SLC39A14: variants seen among roughly 807,000 people sequenced by gnomAD.
SLC39A14 encodes the protein metal cation symporter ZIP14.
In SLC39A14, 19 loss-of-function variants were observed where a neutral mutation model predicts 45.5. The ratio of observed to expected loss-of-function variants is 0.42; its 90% CI spans 0.29 to 0.61. The LOEUF is 0.61. Among genes scored for constraint, SLC39A14 ranks in the 20% least tolerant of loss-of-function variants. SLC39A14 has a pLI of 0.22. For synonymous variants in SLC39A14, 264 were observed against 251.3 expected, an observed-to-expected ratio of 1.05 and a Z score of -0.48; for missense variants, 447 against 616.5, an observed-to-expected ratio of 0.73 and a Z score of 2.91.
intron 1 of SLC39A14, among the ~76,000 whole-genome samples, chr8:22,374,059 A>C (rs1340853699): frequency 1.3e-5 from 2 of 152,244 alleles, no homozygotes; most frequent in African/African-American, 2.4e-5. Flanking sequence ...GGCGTGAGCC[A>C]CCGTGCCCAG....
At chr8:22,374,831 C>T (rs904122219) in intron 1 of SLC39A14, among the ~76,000 whole-genome samples, 2 of 150,298 alleles carry the variant, frequency 1.3e-5, no homozygotes, top group Admixed American at 6.7e-5. Flanking sequence ...ACTGAAACCT[C>T]CCCTCCTGAG....
intron 8 of SLC39A14, among the ~76,000 whole-genome samples, chr8:22,428,916 G>A (rs1836427600): frequency 6.6e-6 from 1 of 152,194 alleles, no homozygotes; most frequent in African/African-American, 2.4e-5. Context: ...TTGAGCAAAC[G>A]AAGGTAAGAA....
intron 1 of SLC39A14, among the ~76,000 whole-genome samples, chr8:22,385,268 G>A (rs888463168): frequency 1.3e-5 from 2 of 152,080 alleles, no homozygotes; most frequent in Non-Finnish European, 2.9e-5. Flanking sequence ...AATGTGTGGC[G>A]CCTCATGAAT....
At chr8:22,419,079 T>G (rs1192728560) in intron 8 of SLC39A14, among the ~76,000 whole-genome samples, 1 of 152,230 alleles carries the variant, frequency 6.6e-6, no homozygotes, top group East Asian at 1.9e-4. Flanking sequence ...GTACATTTAT[T>G]TTTAGCCAGC....
At position 22,404,042 on chromosome 8, in the gene SLC39A14, A is replaced by C. The variant is rs375053257; in HGVS notation, c.-15-654A>C. The stretch of plus-strand genomic sequence containing the variant: ...ATGTCTCATCCACACCCGTGTGCTC[A>C]TACCCCCTCCTTTATTATTTTGAAG... On this transcript the variant is annotated intron_variant, in intron 1 of 8. Transcript: ENST00000381237. Among the ~76,000 whole-genome samples, 34 of 152,324 alleles carry C rather than the reference A, an allele frequency of 2.2e-4. 1 individual carries two copies. In the East Asian group the frequency reaches 3.1e-3, roughly 14 times the overall value.
chr8:22,400,665 A>G (rs1019328838), intron 1 of SLC39A14, among the ~76,000 whole-genome samples: 3 of 152,210 alleles, frequency 2.0e-5, no homozygotes, highest in East Asian at 1.9e-4. Flanking sequence ...ACTCAAAAGT[A>G]TATATTCCAC....
At chr8:22,417,396 C>A (rs77204684) in intron 7 of SLC39A14, among the ~76,000 whole-genome samples, 2 of 152,306 alleles carry the variant, frequency 1.3e-5, no homozygotes, top group Non-Finnish European at 2.9e-5. Context: ...TGTCTTGTCA[C>A]TTCTGTCTTG....
At chr8:22,395,144 A>G (rs1166401806) in intron 1 of SLC39A14, among the ~76,000 whole-genome samples, 2 of 151,642 alleles carry the variant, frequency 1.3e-5, no homozygotes, top group African/African-American at 4.9e-5. Context: ...TGAGTAGCTG[A>G]GACTACAGGT....
intron 8 of SLC39A14, among the ~76,000 whole-genome samples, chr8:22,418,105 A>AC (rs1835996801): frequency 6.6e-6 from 1 of 151,974 alleles, no homozygotes; most frequent in African/African-American, 2.4e-5. Context: ...GTTTCCCCAT[A>AC]TTGGCCAGGC....
Position 22,422,630 on chromosome 8 carries a change from A to T in SLC39A14, c.*2932A>T. 1 of 982,358 alleles carries T rather than the reference A, an allele frequency of 1.0e-6. No homozygotes were observed. The highest frequency in any genetic ancestry group is 1.2e-6 in the Non-Finnish European group (1 of 827,014). The allele number at this position is 982,358 out of a possible 1,614,324, so 60.9% of individuals were successfully genotyped here. ...AAGAAAATTAACTTATGTGGACTGT[A>T]AATGTTTTATTTGTAAGATTCTATA... On this transcript the variant is annotated 3_prime_UTR_variant, in exon 9 of 9. Transcript: ENST00000381237.
chr8:22,426,111 C>T (rs372798908), downstream of SLC39A14, among the ~76,000 whole-genome samples: 6 of 152,154 alleles, frequency 3.9e-5, 1 homozygote, highest in African/African-American at 1.2e-4. Flanking sequence ...AGGTTGGTCT[C>T]GAACTCCCGA....
intron 1 of SLC39A14, among the ~76,000 whole-genome samples, chr8:22,401,448 GA>G (rs1834845618): frequency 6.6e-6 from 1 of 152,160 alleles, no homozygotes; most frequent in South Asian, 2.1e-4. Flanking sequence ...CATACTAAGG[GA>G]GGTGGTTAAC....
intron 1 of SLC39A14, among the ~76,000 whole-genome samples, chr8:22,402,966 G>GTGTT (rs10676463): frequency 0.55 from 82,840 of 150,244 alleles, 23,559 homozygotes; most frequent in African/African-American, 0.7. Flanking sequence ...TTTAGTTATG[G>GTGTT]TGTTTGTTTG....
chr8:22,426,786 C>A (rs1371311817), downstream of SLC39A14, among the ~76,000 whole-genome samples: 1 of 152,016 alleles, frequency 6.6e-6, no homozygotes, highest in East Asian at 2.0e-4. Flanking sequence ...CAGGTTCAAG[C>A]AATTCTCTTG....
At chr8:22,395,127 A>G (rs1455618587) in intron 1 of SLC39A14, among the ~76,000 whole-genome samples, 1 of 151,570 alleles carries the variant, frequency 6.6e-6, no homozygotes, top group Non-Finnish European at 1.5e-5. Context: ...CCCCTGCCCC[A>G]GCCTCCTGAG....
Position 22,419,617 on chromosome 8 carries a change from C to T in SLC39A14, c.1398C>T (p.Ile466=), listed in dbSNP as rs764927368. 71 of 1,614,062 alleles carry T rather than the reference C, an allele frequency of 4.4e-5. No homozygotes were observed. The highest frequency in any genetic ancestry group is 1.7e-5 in the Admixed American group (1 of 60,010). ...AGGGCAGCATCTTGATTCCATTTAT[C>T]ATCCAGAACCTGGGCCTCCTGACTG... ...ERKGSILIPF[I]IQNLGLLTGF... The change falls in exon 9 of 9, where the codon ATC becomes ATT. Residue 466 remains isoleucine, a synonymous_variant. Coordinates refer to ENST00000381237, the MANE Select transcript of SLC39A14 (RefSeq NM_001128431.4).
chr8:22,379,927 CAAAA>C (rs35093772), intron 1 of SLC39A14, among the ~76,000 whole-genome samples: 3 of 87,958 alleles, frequency 3.4e-5, no homozygotes, highest in Non-Finnish European at 7.3e-5. Flanking sequence ...GACTCCATCT[CAAAA>C]AAAAAAAAAA....
chr8:22,397,434 T>C (rs146099921), intron 1 of SLC39A14, among the ~76,000 whole-genome samples: 1 of 151,978 alleles, frequency 6.6e-6, no homozygotes. Flanking sequence ...AAAAATTAGC[T>C]GGGCGTGGTG....
At chr8:22,406,622 G>T (rs532890605) in intron 2 of SLC39A14, among the ~76,000 whole-genome samples, 32 of 152,318 alleles carry the variant, frequency 2.1e-4, no homozygotes, top group African/African-American at 7.5e-4. Context: ...AGCCCAGGAG[G>T]CAGAGGTCGC....
Sources: gnomAD v4.1 joint callset for allele counts (sites outside exome capture counted in the v4.1 genomes callset) on GRCh38, gnomAD v4.1.1 for gene constraint, MANE v1.5 for transcripts, NCBI Gene and HGNC (gene_info 2026-07-23, HGNC 2026-07-21) for gene names.